C1orf94: variants seen among roughly 807,000 people sequenced by gnomAD.
C1orf94 encodes chromosome 1 open reading frame 94.
C1orf94 carries 45 observed loss-of-function variants against 53.6 expected under a neutral mutation model. The observed-to-expected ratio is 0.84, with a 90% CI of 0.66 to 1.08. The LOEUF (loss-of-function observed/expected upper bound fraction) is 1.08. Ranked by LOEUF, C1orf94 falls within the 50% of genes least tolerant of loss-of-function variation. C1orf94 has a pLI of 0.00. For missense variants in C1orf94, 762 were observed against 738.9 expected, an observed-to-expected ratio of 1.03 and a Z score of -0.36; for synonymous variants, 304 against 296.1, an observed-to-expected ratio of 1.03 and a Z score of -0.27.
At chr1:34,205,915 TG>T (rs1642785939) in intron 4 of C1orf94, among the ~76,000 whole-genome samples, 1 of 152,134 alleles carries the variant, frequency 6.6e-6, no homozygotes, top group Non-Finnish European at 1.5e-5. Context: ...GGAGGGTGCG[TG>T]GGAAGGGACC....
chr1:34,197,149 G>T lies in C1orf94; in HGVS notation c.321-76G>T. ...GTTATGCATCCATCTCCCTTTTCTG[G>T]GGCCTATGTCCTTCTGCAAAGCCAC... On this transcript the variant is annotated intron_variant, in intron 1 of 6. Transcript: ENST00000488417. The surrounding 1 kb of genome is among the most constrained non-coding windows in gnomAD (Gnocchi z 4.1). 7.7e-7 allele frequency: 1 copy of T among 1,302,350 alleles called. No homozygotes were observed. Among genetic ancestry groups the T allele is most frequent in the South Asian group, 1.6e-5 (1 of 63,718 alleles). 80.7% of individuals were successfully genotyped at this position (1,302,350 alleles called of 1,614,324 possible).
rs766941019 is a variant in C1orf94 at position 34,202,227 on chromosome 1, T to C, written c.1414T>C (p.Phe472Leu). 1.2e-6 allele frequency: 2 copies of C among 1,614,186 alleles called. No individual in the cohort carries two copies. The highest frequency in any genetic ancestry group is 1.7e-6 in the Non-Finnish European group (2 of 1,180,020). ...CCTGAACTATCCACCTCCACCAGTG[T>C]TCACGAATCACTCTACCTTCTTGCA... Reference protein sequence around the residue: ...LNLNYPPPPVFTNHSTFLQYQ... With the variant: ...LNLNYPPPPVLTNHSTFLQYQ... The change falls in exon 4 of 7, where the codon TTC becomes CTC. Residue 472 changes from phenylalanine (F) to leucine (L), a missense_variant. Coordinates refer to ENST00000488417, the MANE Select transcript of C1orf94 (RefSeq NM_001134734.2).
intron 5 of C1orf94, among the ~76,000 whole-genome samples, 172 bp downstream of exon 5, chr1:34,208,406 C>T (rs574237984): frequency 2.6e-5 from 4 of 152,276 alleles, no homozygotes; most frequent in East Asian, 3.9e-4. Flanking sequence ...AACCGATGTC[C>T]GTATGTGACA....
rs145927354 is a variant in C1orf94, at chr1:34,197,881, C to A, written c.977C>A (p.Ala326Asp). Residue 326 changes from alanine (A) to aspartate (D), a missense_variant, in exon 2 of 7, where the codon GCT (alanine) becomes GAT (aspartate). Transcript: ENST00000488417. This position sits in a 1 kb window ranked among gnomAD's most constrained non-coding sequence, Gnocchi z 4.1. ...VFAKICSKPK[A>D]DPAVERHHLM... ...GCCAAGATCTGTTCCAAGCCCAAGG[C>A]TGACCCTGCTGTGGAGAGGCACCAC... 3.6e-4 allele frequency: 583 copies of A among 1,613,932 alleles called. No individual in the cohort carries two copies. Among genetic ancestry groups the A allele is most frequent in the Non-Finnish European group, 4.5e-4 (531 of 1,179,950 alleles).
intron 5 of C1orf94, among the ~76,000 whole-genome samples, chr1:34,209,285 AACAC>A (rs59376155): frequency 0.091 from 13,081 of 143,642 alleles, 708 homozygotes; most frequent in Admixed American, 0.16. Flanking sequence ...GAGAAATGCA[AACAC>A]ACACACACAC....
chr1:34,172,493 A>G (rs1391955945), upstream of C1orf94, among the ~76,000 whole-genome samples: 1 of 152,200 alleles, frequency 6.6e-6, no homozygotes, highest in Non-Finnish European at 1.5e-5. Context: ...AACTTTGCAG[A>G]TGAAGAAATG....
At chr1:34,209,883 G>A (rs1193036043) in intron 5 of C1orf94, among the ~76,000 whole-genome samples, 1 of 152,154 alleles carries the variant, frequency 6.6e-6, no homozygotes, top group Non-Finnish European at 1.5e-5. Flanking sequence ...GCATGTGTAT[G>A]TATTTGAAAA....
intron 1 of C1orf94, among the ~76,000 whole-genome samples, chr1:34,187,152 T>C (rs1642396425): frequency 6.6e-6 from 1 of 152,152 alleles, no homozygotes; most frequent in Non-Finnish European, 1.5e-5. Context: ...GGCTCTATAT[T>C]TTCATTTTCT....
intron 1 of C1orf94, among the ~76,000 whole-genome samples, chr1:34,185,034 G>A (rs929756385): frequency 1.3e-5 from 2 of 152,016 alleles, no homozygotes; most frequent in Non-Finnish European, 2.9e-5. Flanking sequence ...AAGCTTCTGT[G>A]CAGCTTTTGT....
intron 3 of C1orf94, 132 bp downstream of exon 3, chr1:34,201,164 T>A: frequency 7.8e-7 from 1 of 1,283,696 alleles, no homozygotes; most frequent in Non-Finnish European, 1.1e-6. Context: ...TTTAAACCCA[T>A]AAAATGGGGG....
At chr1:34,193,634 G>A (rs1264049135) in intron 1 of C1orf94, among the ~76,000 whole-genome samples, 3 of 152,212 alleles carry the variant, frequency 2.0e-5, no homozygotes, top group African/African-American at 7.2e-5. Context: ...TCCCTCTGTG[G>A]CAAGGCCCTT....
upstream of C1orf94, among the ~76,000 whole-genome samples, chr1:34,176,313 A>AT (rs1218406530): frequency 6.6e-6 from 1 of 152,138 alleles, no homozygotes; most frequent in Non-Finnish European, 1.5e-5. Context: ...TTTCAGGGGA[A>AT]TTGCTAGAGA....
At position 34,197,424 on chromosome 1, in the gene C1orf94, C is replaced by T. The variant is rs764253567; in HGVS notation, c.520C>T (p.Pro174Ser). 1 of 1,613,932 alleles carries T rather than the reference C, an allele frequency of 6.2e-7. No homozygotes were observed. The highest frequency in any genetic ancestry group is 1.1e-5 in the South Asian group (1 of 91,074). ...PPLVAGSNER[P>S]RASIIVGDKL... ...TCTAGTGGCAGGCAGTAATGAGCGC[C>T]CCAGAGCCTCCATCATTGTCGGAGA... The change falls in exon 2 of 7, where the codon CCC becomes TCC. Residue 174 changes from proline (P) to serine (S), a missense_variant. Transcript: ENST00000488417. This position sits in a 1 kb window ranked among gnomAD's most constrained non-coding sequence, Gnocchi z 4.1.
chr1:34,197,366 C>T lies in C1orf94; in HGVS notation c.462C>T (p.Thr154=). The change falls in exon 2 of 7, where the codon ACC becomes ACT. Residue 154 remains threonine (T), a synonymous_variant. Coordinates refer to ENST00000488417, the MANE Select transcript of C1orf94 (RefSeq NM_001134734.2). This position sits in a 1 kb window ranked among gnomAD's most constrained non-coding sequence, Gnocchi z 4.1. ...TACCCGGCAGCTCTCCCGAGGGGAC[C>T]AGAGAGCTGGCTCCCTGCATTCTTG... ...LEVPGSSPEG[T]RELAPCILAP... 6.2e-7 allele frequency: 1 copy of T among 1,611,232 alleles called. No individual in the cohort carries two copies. The highest frequency in any genetic ancestry group is 8.5e-7 in the Non-Finnish European group (1 of 1,178,520).
chr1:34,201,118 G>A, intron 3 of C1orf94, 86 bp downstream of exon 3: 1 of 1,503,696 alleles, frequency 6.7e-7, no homozygotes, highest in Non-Finnish European at 8.9e-7. Flanking sequence ...TCACCAAGTG[G>A]CTGTCTTATC....
rs1392046697 is a variant in C1orf94 at position 34,212,219 on chromosome 1, T to C, written c.1534T>C (p.Tyr512His). Residue 512 changes from tyrosine (Y) to histidine (H), a missense_variant, in exon 6 of 7, where the codon TAC becomes CAC. By Grantham distance (83) the Tyr-to-His change is moderately conservative. Coordinates refer to ENST00000488417, the MANE Select transcript of C1orf94 (RefSeq NM_001134734.2). ...LGCYSQQVMP[Y>H]NPQQMGQQIF... ...TCTCTGTGATGTGCAGGTGATGCCATACAACCCACAGCAGATGGGACAGCA... is the reference window on the plus strand; with the variant it reads ...TCTCTGTGATGTGCAGGTGATGCCACACAACCCACAGCAGATGGGACAGCA... 6.2e-7 allele frequency: 1 copy of C among 1,610,256 alleles called. No individual in the cohort carries two copies. Among genetic ancestry groups the C allele is most frequent in the Non-Finnish European group, 8.5e-7 (1 of 1,178,098 alleles).
intron 1 of C1orf94, among the ~76,000 whole-genome samples, chr1:34,182,860 T>C (rs1266629886): frequency 1.3e-5 from 2 of 152,162 alleles, no homozygotes; most frequent in African/African-American, 4.8e-5. Flanking sequence ...TGCTGAGAGC[T>C]GGGAGGATGT....
chr1:34,202,359 T>C, intron 4 of C1orf94, 100 bp downstream of exon 4: 1 of 1,282,948 alleles, frequency 7.8e-7, no homozygotes, highest in Non-Finnish European at 1.1e-6. Context: ...GTCTTTAGAC[T>C]CCTCTGAATC....
chr1:34,186,603 G>T (rs746781680), intron 1 of C1orf94, among the ~76,000 whole-genome samples: 4 of 152,222 alleles, frequency 2.6e-5, no homozygotes, highest in African/African-American at 7.2e-5. Flanking sequence ...AGCAGAAGGG[G>T]TCATCATAAG....
Sources: allele counts gnomAD v4.1 joint callset (sites outside exome capture counted in the v4.1 genomes callset), GRCh38; gene constraint gnomAD v4.1.1; non-coding constraint Gnocchi (gnomAD v3.1); transcripts MANE v1.5; gene names NCBI Gene and HGNC (gene_info 2026-07-23, HGNC 2026-07-21).